KIAA1210: variants seen among roughly 807,000 people sequenced by gnomAD.
KIAA1210 encodes the protein acrosomal protein KIAA1210.
Under a neutral mutation model 78.9 loss-of-function variants are expected in KIAA1210, and 48 were observed. The observed-to-expected ratio is 0.61, with a 90% confidence interval of 0.48 to 0.77. The LOEUF (loss-of-function observed/expected upper bound fraction) is 0.77, where lower values mean the gene tolerates loss of function less well. Among genes scored for constraint, KIAA1210 ranks in the 30% least tolerant of loss-of-function variants. The pLI is 0.00. For synonymous variants in KIAA1210, 406 were observed against 404.5 expected, an observed-to-expected ratio of 1.00 and a Z score of -0.04; for missense variants, 1,108 against 1,100.0, an observed-to-expected ratio of 1.01 and a Z score of -0.10.
In KIAA1210 at chrX:119,088,572, T is replaced by A; in HGVS notation, c.2130A>T (p.Lys710Asn). 1.7e-6 allele frequency: 2 copies of A among 1,211,313 alleles called. No homozygotes were observed. The highest frequency in any genetic ancestry group is 1.1e-6 in the Non-Finnish European group (1 of 895,301). The change falls in exon 9 of 12, where the codon AAA (lysine) becomes AAT (asparagine). Residue 710 changes from lysine to asparagine, a missense_variant. Coordinates refer to ENST00000691062, the MANE Select transcript of KIAA1210 (RefSeq NM_001394962.1). ...AAGCAGAGGAGACTTCTTGTTGGTT[T>A]TTGGGCTTTCCCAAGGCCTGAGCAG... ...RHPAQALGKP[K>N]NQQEVSSASN...
intron 2 of KIAA1210, among the ~76,000 whole-genome samples, chrX:119,117,719 G>A (rs1487271132): frequency 9.2e-6 from 1 of 108,500 alleles, no homozygotes; most frequent in Admixed American, 9.9e-5. Context: ...CCAGTAGCTG[G>A]GACTATAAGC....
chrX:119,137,454 G>T (rs1272102366), intron 2 of KIAA1210, among the ~76,000 whole-genome samples: 1 of 112,723 alleles, frequency 8.9e-6, no homozygotes, highest in Non-Finnish European at 1.9e-5. Flanking sequence ...GTTCCAAAAA[G>T]TTGTCCTTGC....
At chrX:119,094,112 T>C (rs746853714) in intron 7 of KIAA1210, 7 of 1,081,369 alleles carry the variant, frequency 6.5e-6, no homozygotes, top group African/African-American at 5.5e-5. Context: ...AACGGGGTCA[T>C]TGGGCCTGAC....
intron 2 of KIAA1210, among the ~76,000 whole-genome samples, chrX:119,144,834 C>T (rs1188272758): frequency 9.0e-6 from 1 of 111,713 alleles, no homozygotes; most frequent in Non-Finnish European, 1.9e-5. Context: ...TCTTGTTTTA[C>T]AGATGAGAAA....
intron 3 of KIAA1210, 103 bp from the exon 4 acceptor site, chrX:119,109,305 G>A: frequency 1.0e-5 from 8 of 782,987 alleles, no homozygotes; most frequent in Non-Finnish European, 1.4e-5. Flanking sequence ...CTCAGAAGGA[G>A]AGCAGGGATG....
At chrX:119,094,831 C>G (rs1312746188) in intron 7 of KIAA1210, among the ~76,000 whole-genome samples, 1 of 111,420 alleles carries the variant, frequency 9.0e-6, no homozygotes, top group Non-Finnish European at 1.9e-5. Flanking sequence ...GGCTTTTTCT[C>G]AACTAGGCTA....
intron 2 of KIAA1210, among the ~76,000 whole-genome samples, chrX:119,136,224 G>A (rs1928911536): frequency 8.9e-6 from 1 of 111,761 alleles, no homozygotes; most frequent in Non-Finnish European, 1.9e-5. Context: ...GGGGAGGTAG[G>A]GGAGATAAGG....
chrX:119,146,764 T>C (rs1255368721), intron 2 of KIAA1210, among the ~76,000 whole-genome samples: 1 of 111,165 alleles, frequency 9.0e-6, no homozygotes, highest in African/African-American at 3.3e-5. Context: ...TTGGCACCCA[T>C]CAATTCTCCT....
chrX:119,147,385 A>G (rs1406871194), intron 2 of KIAA1210: 1 of 1,094,711 alleles, frequency 9.1e-7, no homozygotes, highest in East Asian at 3.1e-5. Flanking sequence ...GAAGTTTTGC[A>G]GCCAAGGGGA....
intron 2 of KIAA1210, among the ~76,000 whole-genome samples, chrX:119,144,046 G>T (rs769420818): frequency 8.9e-6 from 1 of 112,465 alleles, no homozygotes; most frequent in South Asian, 3.7e-4. Context: ...TGGCTGAACC[G>T]TTGGGAAGTA....
In KIAA1210 at chrX:119,080,287, G is replaced by A. The variant is rs747017221; in HGVS notation, c.*1042C>T. The A allele has an allele frequency of 9.0e-6, 1 of 111,531 alleles. No individual in the cohort carries two copies. Among genetic ancestry groups the A allele is most frequent in the Non-Finnish European group, 1.9e-5 (1 of 53,091 alleles). 9.2% of individuals were successfully genotyped at this position (111,531 alleles called of 1,213,427 possible). Reference sequence around the variant, plus strand: ...GCTACAGCCAGGCCTGTGACAGGTCGACGTGGGGTATGTCCAAAGAGGGAG... The same window carrying A: ...GCTACAGCCAGGCCTGTGACAGGTCAACGTGGGGTATGTCCAAAGAGGGAG... On this transcript the variant is annotated 3_prime_UTR_variant, in exon 12 of 12. Transcript: ENST00000691062.
intron 1 of KIAA1210, among the ~76,000 whole-genome samples, chrX:119,149,884 C>T (rs938974175): frequency 3.6e-5 from 4 of 111,162 alleles, no homozygotes; most frequent in African/African-American, 6.5e-5. Context: ...GCCTTCCTCT[C>T]GTCTCTCTTC....
intron 11 of KIAA1210, 67 bp from the exon 12 acceptor site, chrX:119,081,571 G>T: frequency 9.7e-7 from 1 of 1,031,940 alleles, no homozygotes; most frequent in Non-Finnish European, 1.3e-6. Context: ...TGTTGTTTAT[G>T]GAATGCCATA....
upstream of KIAA1210, among the ~76,000 whole-genome samples, chrX:119,130,394 G>A (rs1569322919): frequency 8.9e-6 from 1 of 112,654 alleles, no homozygotes; most frequent in Non-Finnish European, 1.9e-5. Context: ...TCAAGACCCA[G>A]CTCAAAGGTA....
intron 2 of KIAA1210, among the ~76,000 whole-genome samples, chrX:119,144,236 A>T (rs1929115287): frequency 8.9e-6 from 1 of 112,614 alleles, no homozygotes; most frequent in African/African-American, 3.2e-5. Flanking sequence ...TACACTGGTC[A>T]GGTGACCAAC....
chrX:119,117,812 T>C lies in KIAA1210; in HGVS notation c.62-1148A>G, dbSNP rs944594614. Among the ~76,000 whole-genome samples, 5 of 110,370 alleles carry C rather than the reference T, an allele frequency of 4.5e-5. No homozygotes were observed. In the East Asian group the frequency reaches 8.5e-4, roughly 19 times the overall value. On this transcript the variant is annotated intron_variant, in intron 2 of 11. Transcript: ENST00000691062. The stretch of plus-strand genomic sequence containing the variant: ...CTAGAGTTGAGTTCTAGAACTAGAG[T>C]TGAGTTCTAGTCTCAAACGCGAACT...
intron 2 of KIAA1210, among the ~76,000 whole-genome samples, chrX:119,144,594 G>A (rs5910519): frequency 0.018 from 2,069 of 112,004 alleles, 26 homozygotes; most frequent in Non-Finnish European, 0.027. Flanking sequence ...GAGAGTTGGA[G>A]CTCTGCCTCT....
chrX:119,139,756 C>T (rs1929004232), intron 2 of KIAA1210, among the ~76,000 whole-genome samples: 2 of 111,689 alleles, frequency 1.8e-5, no homozygotes, highest in African/African-American at 6.5e-5. Context: ...TAGGACAGGG[C>T]AAGTGTGGTG....
intron 7 of KIAA1210, among the ~76,000 whole-genome samples, chrX:119,094,299 G>T (rs111378038): frequency 7.1e-4 from 79 of 112,049 alleles, no homozygotes; most frequent in African/African-American, 2.4e-3. Flanking sequence ...AGGAGAAAAA[G>T]CTGAAAGGTT....
Sources: gnomAD v4.1 joint callset for allele counts (sites outside exome capture counted in the v4.1 genomes callset) on GRCh38, gnomAD v4.1.1 for gene constraint, MANE v1.5 for transcripts, NCBI Gene and HGNC (gene_info 2026-07-23, HGNC 2026-07-21) for gene names.